Variants in MGA observed in about 807,000 individuals in gnomAD.
MGA encodes the protein MAX dimerization protein MGA, also known as MAX gene-associated protein.
MGA carries 40 observed loss-of-function variants against 261.1 expected under a neutral mutation model. The observed-to-expected ratio is 0.15, with a 90% confidence interval of 0.12 to 0.20. MGA has a LOEUF of 0.20. Among genes scored for constraint, MGA ranks in the 10% least tolerant of loss-of-function variants. MGA has a pLI of 1.00. For synonymous variants in MGA, 1,302 were observed against 1,290.6 expected, an observed-to-expected ratio of 1.01 and a Z score of -0.19; for missense variants, 3,397 against 3,630.5, an observed-to-expected ratio of 0.94 and a Z score of 1.65.
chr15:41,718,538 A>G, intron 9 of MGA: 1 of 486,672 alleles, frequency 2.1e-6, no homozygotes, highest in South Asian at 3.8e-5. Context: ...TTTCTGTGTC[A>G]GAGATCTCAC....
intron 9 of MGA, among the ~76,000 whole-genome samples, chr15:41,720,245 A>G (rs1245843192): frequency 6.6e-6 from 1 of 152,152 alleles, no homozygotes; most frequent in Non-Finnish European, 1.5e-5. Context: ...CAGAATAGAG[A>G]GGCTACAGGC....
At chr15:41,661,631 C>T (rs757986893) in intron 1 of MGA, among the ~76,000 whole-genome samples, 1 of 152,172 alleles carries the variant, frequency 6.6e-6, no homozygotes, top group Non-Finnish European at 1.5e-5. Flanking sequence ...AGGTTCGCCT[C>T]GCCGGAGCAA....
rs1344347211 is a variant in MGA, at chr15:41,749,219, T to C, written c.5612T>C (p.Val1871Ala). The stretch of plus-strand genomic sequence containing the variant: ...GTCATGAATCCTGTAATTCAAGCTG[T>C]TGGGTCTTCTTCAGCAGTGAATGTT... The change falls in exon 17 of 24, where the codon GTT becomes GCT. Residue 1871 changes from valine to alanine, a missense_variant. Physicochemically the swap from Val to Ala is moderately conservative, Grantham distance 64 (BLOSUM62 0). Coordinates refer to ENST00000219905, the MANE Select transcript of MGA (RefSeq NM_001164273.2). The C allele has an allele frequency of 6.2e-7, 1 of 1,614,016 alleles. No homozygotes were observed. Among genetic ancestry groups the C allele is most frequent in the Non-Finnish European group, 8.5e-7 (1 of 1,179,886 alleles).
At chr15:41,708,604 C>G (rs1169466149) in intron 7 of MGA, among the ~76,000 whole-genome samples, 1 of 152,224 alleles carries the variant, frequency 6.6e-6, no homozygotes, top group Non-Finnish European at 1.5e-5. Flanking sequence ...CAGGCGTGAG[C>G]TGCCGCGCCC....
chr15:41,719,583 A>G (rs1466586032), intron 9 of MGA, among the ~76,000 whole-genome samples: 1 of 152,118 alleles, frequency 6.6e-6, no homozygotes, highest in Admixed American at 6.5e-5. Context: ...TCTACCAAAA[A>G]TACAAAAAAT....
At chr15:41,735,638 G>A (rs926353683) in intron 12 of MGA, among the ~76,000 whole-genome samples, 1 of 152,012 alleles carries the variant, frequency 6.6e-6, no homozygotes, top group South Asian at 2.1e-4. Context: ...TCGGGAGGCT[G>A]AGGCAGGAGA....
At chr15:41,683,294 A>T (rs536744180) in intron 2 of MGA, among the ~76,000 whole-genome samples, 2 of 151,270 alleles carry the variant, frequency 1.3e-5, no homozygotes, top group Non-Finnish European at 3.0e-5. Context: ...TCCATGGCTC[A>T]CTGCAAGCTT....
chr15:41,662,497 C>T (rs547198951), intron 1 of MGA, among the ~76,000 whole-genome samples: 2 of 152,214 alleles, frequency 1.3e-5, no homozygotes, highest in East Asian at 1.9e-4. Context: ...AAGGTTGTGA[C>T]GATAAAATGC....
At position 41,707,865 on chromosome 15, in the gene MGA, T is replaced by C; in HGVS notation, c.2320+6T>C. Reference sequence around the variant, plus strand: ...AACCAACCCTGCCTCTCCTGGTGAGTATGTAACATTTGTAAAGTCAAACAC... The same window carrying C: ...AACCAACCCTGCCTCTCCTGGTGAGCATGTAACATTTGTAAAGTCAAACAC... On this transcript the variant is annotated splice_donor_region_variant and intron_variant, in intron 6 of 23. Transcript: ENST00000219905. 3.1e-6 allele frequency: 5 copies of C among 1,597,568 alleles called. No homozygotes were observed. Among genetic ancestry groups the C allele is most frequent in the Non-Finnish European group, 4.3e-6 (5 of 1,175,836 alleles).
At chr15:41,696,014 T>C in intron 2 of MGA, 61 bp from the exon 3 acceptor site, 1 of 1,223,780 alleles carries the variant, frequency 8.2e-7, no homozygotes, top group Non-Finnish European at 1.1e-6. Context: ...TTTTTTCTCT[T>C]CAAGTCTTGT....
rs530426266 is a variant in MGA at position 41,746,325 on chromosome 15, G to C, written c.5213-2312G>C. On this transcript the variant is annotated intron_variant, in intron 15 of 23. Coordinates refer to ENST00000219905, the MANE Select transcript of MGA (RefSeq NM_001164273.2). ...GGAGGCTGAGGAGGATGGATCACCT[G>C]AGGTCAGGAGTTTAAGACCAGCCTG... 2.6e-5 allele frequency among the ~76,000 whole-genome samples: 4 copies of C among 152,268 alleles called. No individual in the cohort carries two copies. The East Asian group carries it at 7.7e-4, about 29-fold the overall frequency.
chr15:41,698,171 CT>C (rs11442137), intron 3 of MGA, among the ~76,000 whole-genome samples: 25 of 115,958 alleles, frequency 2.2e-4, no homozygotes, highest in African/African-American at 3.8e-4. Context: ...CCCCTGGCCT[CT>C]TTTTTTTTTT....
intron 2 of MGA, among the ~76,000 whole-genome samples, chr15:41,671,188 A>G (rs2058039727): frequency 6.6e-6 from 1 of 152,198 alleles, no homozygotes; most frequent in Non-Finnish European, 1.5e-5. Context: ...GCAGCTGTGT[A>G]TTCAACTAAC....
At chr15:41,684,178 CTG>C (rs34300394) in intron 2 of MGA, among the ~76,000 whole-genome samples, 6,927 of 152,236 alleles carry the variant, frequency 0.046, 208 homozygotes, top group East Asian at 0.1. Flanking sequence ...TTGTTAATCT[CTG>C]TGCCTAACAA....
intron 2 of MGA, among the ~76,000 whole-genome samples, 169 bp from the exon 3 acceptor site, chr15:41,695,906 G>A (rs1353023494): frequency 6.6e-6 from 1 of 152,066 alleles, no homozygotes; most frequent in Non-Finnish European, 1.5e-5. Context: ...GCTTTACAGG[G>A]TTGTTAATCA....
chr15:41,671,707 TC>T (rs1393171673), intron 2 of MGA, among the ~76,000 whole-genome samples: 1 of 152,216 alleles, frequency 6.6e-6, no homozygotes, highest in African/African-American at 2.4e-5. Context: ...TCCTTTACTT[TC>T]CTTTTCTTGC....
chr15:41,710,990 G>A lies in MGA; in HGVS notation c.2725G>A (p.Gly909Ser), dbSNP rs1567015197. The A allele has an allele frequency of 6.2e-7, 1 of 1,613,888 alleles. No homozygotes were observed. The highest frequency in any genetic ancestry group is 1.1e-5 in the South Asian group (1 of 91,082). The change falls in exon 8 of 24, where the codon GGC (glycine) becomes AGC (serine). Residue 909 changes from glycine to serine, a missense_variant. Gly to Ser is a moderately conservative substitution (Grantham distance 56). Coordinates refer to ENST00000219905, the MANE Select transcript of MGA (RefSeq NM_001164273.2). ...TCAAAACAGACAGGCAACTTTCAGT[G>A]GCCGAACTAAATCATCTTATAAATC... is the stretch of plus-strand genomic sequence containing the variant.
chr15:41,627,484 G>T (rs1382334853), intron 1 of MGA, among the ~76,000 whole-genome samples: 1 of 152,162 alleles, frequency 6.6e-6, no homozygotes, highest in Non-Finnish European at 1.5e-5. Context: ...TTAGACTGGG[G>T]TTAGAGTACT....
Position 41,669,888 on chromosome 15 carries a change from T to C in MGA, c.994T>C (p.Phe332Leu), listed in dbSNP as rs778183509. Residue 332 changes from phenylalanine (F) to leucine (L), a missense_variant, in exon 2 of 24, where the codon TTT (phenylalanine) becomes CTT (leucine). Physicochemically the swap from Phe to Leu is conservative, Grantham distance 22. Transcript: ENST00000219905. Reference sequence around the variant, plus strand: ...GACTTCCCTTAATATAAAACGAGACTTTCTTGGTTTCATGGATACTGATTC... The same window carrying C: ...GACTTCCCTTAATATAAAACGAGACCTTCTTGGTTTCATGGATACTGATTC... 3 of 1,613,886 alleles carry C rather than the reference T, an allele frequency of 1.9e-6. No homozygotes were observed. Among genetic ancestry groups the C allele is most frequent in the African/African-American group, 2.7e-5 (2 of 74,914 alleles).
Sources: allele counts gnomAD v4.1 joint callset (sites outside exome capture counted in the v4.1 genomes callset), GRCh38; gene constraint gnomAD v4.1.1; transcripts MANE v1.5; gene names NCBI Gene and HGNC (gene_info 2026-07-23, HGNC 2026-07-21).